The following TNKS2 variants were observed in gnomAD, a reference collection of about 807,000 sequenced individuals.
The protein encoded by TNKS2 is tankyrase 2.
Under a neutral mutation model 137.6 loss-of-function variants are expected in TNKS2, and 72 were observed. That is an observed-to-expected ratio of 0.52 (90% CI 0.43 to 0.64). The LOEUF is 0.64. TNKS2 is among the 30% of genes least tolerant of loss of function. The pLI is 0.00. For synonymous variants in TNKS2, 516 were observed against 512.1 expected, an observed-to-expected ratio of 1.01 and a Z score of -0.10; for missense variants, 1,049 against 1,410.2, an observed-to-expected ratio of 0.74 and a Z score of 4.10.
At position 91,828,386 on chromosome 10, in the gene TNKS2, C is replaced by T; in HGVS notation, c.1084C>T (p.Gln362Ter). ...SLEMVNFKHP[Q>*]THETALHCAA... is the part of the protein sequence containing the mutation. ...GGAAATGGTGAATTTCAAGCATCCT[C>T]AAACACATGAAACAGCATTGGTAAT... Residue 362 changes from glutamine (Q) to a stop codon, truncating the protein, a stop_gained, in exon 9 of 27, where the codon CAA becomes TAA. Transcript: ENST00000371627. LOFTEE classifies it high-confidence loss of function. 1.2e-6 allele frequency: 2 copies of T among 1,603,132 alleles called. 1 individual carries two copies. The highest frequency in any genetic ancestry group is 1.7e-6 in the Non-Finnish European group (2 of 1,176,094).
chr10:91,812,289 CT>C (rs1406569974), intron 1 of TNKS2, among the ~76,000 whole-genome samples: 1 of 152,010 alleles, frequency 6.6e-6, no homozygotes, highest in African/African-American at 2.4e-5. Flanking sequence ...AATTACCAGA[CT>C]TTTTTTGTTT....
At chr10:91,810,735 C>G in intron 1 of TNKS2, among the ~76,000 whole-genome samples, 1 of 150,852 alleles carries the variant, frequency 6.6e-6, no homozygotes, top group East Asian at 2.0e-4. Flanking sequence ...GTCTCAATCT[C>G]CTGACCTCGT....
chr10:91,839,430 C>T (rs1044265168), intron 13 of TNKS2, among the ~76,000 whole-genome samples: 11 of 151,832 alleles, frequency 7.2e-5, no homozygotes, highest in Non-Finnish European at 1.3e-4. Context: ...GCAACGTCTG[C>T]CTCCCAGGTT....
chr10:91,826,663 T>G (rs1234162065), intron 7 of TNKS2, among the ~76,000 whole-genome samples: 1 of 152,226 alleles, frequency 6.6e-6, no homozygotes, highest in Non-Finnish European at 1.5e-5. Context: ...TGGGTGATGG[T>G]ATCACAGATA....
At chr10:91,812,162 T>C (rs985496770) in intron 1 of TNKS2, among the ~76,000 whole-genome samples, 1 of 152,154 alleles carries the variant, frequency 6.6e-6, no homozygotes. Flanking sequence ...TGCTTTAACA[T>C]ATGCCTGAAA....
At chr10:91,830,516 C>T (rs1564616195) in intron 9 of TNKS2, among the ~76,000 whole-genome samples, 1 of 152,178 alleles carries the variant, frequency 6.6e-6, no homozygotes, top group Non-Finnish European at 1.5e-5. Flanking sequence ...CTGTGCCCGG[C>T]TATATTCTGT....
At chr10:91,828,489 CA>C in intron 9 of TNKS2, 83 bp downstream of exon 9, 2 of 1,297,956 alleles carry the variant, frequency 1.5e-6, no homozygotes, top group Non-Finnish European at 1.0e-6. Flanking sequence ...TTAGAACTAG[CA>C]TTTTTTTGAG....
At chr10:91,852,159 C>T (rs1364181183) in intron 21 of TNKS2, among the ~76,000 whole-genome samples, 2 of 151,370 alleles carry the variant, frequency 1.3e-5, no homozygotes, top group East Asian at 1.9e-4. Flanking sequence ...ACCCGGGAAG[C>T]GGAGCTTGCA....
At chr10:91,800,929 C>A (rs1844145335) in intron 1 of TNKS2, among the ~76,000 whole-genome samples, 1 of 152,174 alleles carries the variant, frequency 6.6e-6, no homozygotes. Flanking sequence ...AATGTGCCTG[C>A]AAGCATACTG....
intron 13 of TNKS2, among the ~76,000 whole-genome samples, chr10:91,839,077 G>A (rs1234010713): frequency 2.0e-5 from 3 of 152,188 alleles, no homozygotes; most frequent in East Asian, 3.9e-4. Context: ...ATGTTGGCCA[G>A]GCTGGTCTCG....
intron 23 of TNKS2, among the ~76,000 whole-genome samples, chr10:91,856,488 T>C (rs1017887976): frequency 2.0e-5 from 3 of 152,224 alleles, no homozygotes; most frequent in Admixed American, 2.0e-4. Context: ...CTACTACAGG[T>C]ACATTTCAGT....
At chr10:91,833,219 C>G (rs561049363) in intron 11 of TNKS2, among the ~76,000 whole-genome samples, 2 of 152,264 alleles carry the variant, frequency 1.3e-5, no homozygotes, top group East Asian at 3.9e-4. Flanking sequence ...TGACAGATAA[C>G]CATTTTATTT....
intron 16 of TNKS2, 39 bp downstream of exon 16, chr10:91,842,430 T>C (rs377631307): frequency 1.3e-6 from 2 of 1,572,072 alleles, no homozygotes; most frequent in Non-Finnish European, 1.7e-6. Context: ...GCTGGTAATA[T>C]CTGAGATTCA....
intron 21 of TNKS2, 30 bp from the exon 22 acceptor site, chr10:91,854,999 A>C: frequency 7.8e-7 from 1 of 1,283,088 alleles, no homozygotes; most frequent in Non-Finnish European, 1.1e-6. Flanking sequence ...TTGGCAATTT[A>C]TTTTTCTACC....
chr10:91,852,961 A>T (rs1252757189), intron 21 of TNKS2, among the ~76,000 whole-genome samples: 1 of 152,218 alleles, frequency 6.6e-6, no homozygotes, highest in African/African-American at 2.4e-5. Context: ...TAAGATAAAG[A>T]GGAGGGAAAG....
intron 23 of TNKS2, among the ~76,000 whole-genome samples, chr10:91,856,348 A>T (rs1842702583): frequency 1.3e-5 from 2 of 152,224 alleles, no homozygotes; most frequent in Admixed American, 1.3e-4. Context: ...ATAAGACAGA[A>T]TTAATATGTG....
At chr10:91,849,251 T>C (rs1842470837) in intron 19 of TNKS2, among the ~76,000 whole-genome samples, 1 of 152,202 alleles carries the variant, frequency 6.6e-6, no homozygotes, top group African/African-American at 2.4e-5. Context: ...TCCTGAAAGA[T>C]AGGAAAACTG....
At chr10:91,849,097 A>G (rs1254082609) in intron 19 of TNKS2, among the ~76,000 whole-genome samples, 1 of 152,182 alleles carries the variant, frequency 6.6e-6, no homozygotes, top group Non-Finnish European at 1.5e-5. Flanking sequence ...TCGGCCTCCC[A>G]AAGTGCTGGG....
intron 3 of TNKS2, among the ~76,000 whole-genome samples, chr10:91,818,947 C>T (rs1378021371): frequency 1.3e-5 from 2 of 152,100 alleles, no homozygotes; most frequent in Non-Finnish European, 2.9e-5. Context: ...TAACCTATGA[C>T]CCAAGATAAA....
Sources: gnomAD v4.1 joint callset for allele counts (sites outside exome capture counted in the v4.1 genomes callset) on GRCh38, gnomAD v4.1.1 for gene constraint, MANE v1.5 for transcripts, NCBI Gene and HGNC (gene_info 2026-07-23, HGNC 2026-07-21) for gene names.